TRPV2: variants seen among roughly 807,000 people sequenced by gnomAD.
TRPV2 encodes the protein OTRPC2.
In TRPV2, 58 loss-of-function variants were observed where a neutral mutation model predicts 91.0. That is an observed-to-expected ratio of 0.64 (90% CI 0.52 to 0.79). The LOEUF (loss-of-function observed/expected upper bound fraction) is 0.79. Among genes scored for constraint, TRPV2 ranks in the 30% least tolerant of loss-of-function variants. The probability of loss-of-function intolerance (pLI) is 0.00; values close to 1 mark genes in which losing one functional copy is unlikely to be tolerated. For missense variants in TRPV2, 807 were observed against 969.6 expected, an observed-to-expected ratio of 0.83 and a Z score of 2.23; for synonymous variants, 417 against 414.8, an observed-to-expected ratio of 1.01 and a Z score of -0.06.
intron 3 of TRPV2, among the ~76,000 whole-genome samples, 173 bp downstream of exon 3, chr17:16,420,421 G>C (rs981263859): frequency 2.6e-5 from 4 of 152,176 alleles, no homozygotes; most frequent in African/African-American, 9.7e-5. Context: ...ATGGCCTCCT[G>C]TCAGTCTTGG....
intron 2 of TRPV2, among the ~76,000 whole-genome samples, chr17:16,419,029 C>CAAA (rs746511644): frequency 3.1e-5 from 4 of 130,298 alleles, no homozygotes; most frequent in Non-Finnish European, 5.0e-5. Flanking sequence ...ACTCTGTCTC[C>CAAA]AAAAAAAAAA....
chr17:16,432,643 T>C (rs2093418742), intron 12 of TRPV2, among the ~76,000 whole-genome samples: 2 of 151,988 alleles, frequency 1.3e-5, no homozygotes, highest in Non-Finnish European at 2.9e-5. Context: ...GGTCTCACTA[T>C]GTTGCCCCGG....
chr17:16,422,681 G>C lies in TRPV2; in HGVS notation c.417G>C (p.Leu139=). 1 of 1,613,168 alleles carries C rather than the reference G, an allele frequency of 6.2e-7. No individual in the cohort carries two copies. Among genetic ancestry groups the C allele is most frequent in the Non-Finnish European group, 8.5e-7 (1 of 1,179,508 alleles). ...TCAATGCCTGCATTCTGCCACTGCT[G>C]CAGATCGACAGGGACTCTGGCAATC... ...DGVNACILPL[L]QIDRDSGNPQ... Residue 139 remains leucine (L), a synonymous_variant, in exon 4 of 15, where the codon CTG becomes CTC. Transcript: ENST00000338560.
intron 2 of TRPV2, among the ~76,000 whole-genome samples, chr17:16,418,152 C>G (rs530948438): frequency 1.1e-4 from 16 of 152,332 alleles, no homozygotes; most frequent in African/African-American, 3.4e-4. Flanking sequence ...ACCCTCAAAT[C>G]CCCCTGTTCA....
chr17:16,431,665 T>G, intron 10 of TRPV2, 119 bp from the exon 11 acceptor site: 1 of 848,664 alleles, frequency 1.2e-6, no homozygotes, highest in Non-Finnish European at 2.0e-6. Flanking sequence ...CATATGCATA[T>G]GTATGTGTGC....
chr17:16,425,988 G>C, intron 5 of TRPV2, 111 bp from the exon 6 acceptor site: 1 of 1,222,802 alleles, frequency 8.2e-7, no homozygotes, highest in Non-Finnish European at 1.2e-6. Flanking sequence ...CGTGTCAGCT[G>C]CAGCTCTGCA....
chr17:16,420,178 C>T lies in TRPV2; in HGVS notation c.264C>T (p.Pro88=), dbSNP rs554172388. Residue 88 remains proline, a synonymous_variant, in exon 3 of 15, where the codon CCC becomes CCT. Transcript: ENST00000338560. ...RLFNAVSRGV[P]EDLAGLPEYL... ...TCAATGCGGTCTCCCGGGGTGTCCC[C>T]GAGGATCTGGCTGGACTTCCAGAGT... is the stretch of plus-strand genomic sequence containing the variant. 7.4e-6 allele frequency: 12 copies of T among 1,614,102 alleles called. No individual in the cohort carries two copies. Among genetic ancestry groups the T allele is most frequent in the African/African-American group, 2.7e-5 (2 of 75,050 alleles).
chr17:16,431,130 C>T (rs1047709722), intron 10 of TRPV2, among the ~76,000 whole-genome samples: 1 of 149,918 alleles, frequency 6.7e-6, no homozygotes, highest in African/African-American at 2.5e-5. Context: ...TAGCTCATTG[C>T]CGCCTTGACA....
At position 16,428,917 on chromosome 17, in the gene TRPV2, C is replaced by T; in HGVS notation, c.1522C>T (p.Leu508=). ...LLVSALVLGW[L]NLLYYTRGFQ... ...TGTGTCTGCGCTGGTGCTGGGCTGG[C>T]TGAACCTGCTTTACTATACACGTGG... The change falls in exon 10 of 15, where the codon CTG becomes TTG. Residue 508 remains leucine, a synonymous_variant. Transcript: ENST00000338560. The T allele has an allele frequency of 6.2e-7, 1 of 1,614,206 alleles. No homozygotes were observed. Among genetic ancestry groups the T allele is most frequent in the Non-Finnish European group, 8.5e-7 (1 of 1,180,038 alleles).
chr17:16,436,946 C>G lies in TRPV2; in HGVS notation c.*57C>G. 1 of 1,363,816 alleles carries G rather than the reference C, an allele frequency of 7.3e-7. No homozygotes were observed. The highest frequency in any genetic ancestry group is 1.0e-6 in the Non-Finnish European group (1 of 955,964). 84.5% of individuals were successfully genotyped at this position (1,363,816 alleles called of 1,614,324 possible). On this transcript the variant is annotated 3_prime_UTR_variant, in exon 15 of 15. Coordinates refer to ENST00000338560, the MANE Select transcript of TRPV2 (RefSeq NM_016113.5). The stretch of plus-strand genomic sequence containing the variant: ...GAGCAGAGGATCTTTCCAACCACAT[C>G]TGCTGGCTCTGGGGTCCCAGTGAAT...
At chr17:16,423,345 T>G in intron 4 of TRPV2, 124 bp from the exon 5 acceptor site, 2 of 1,143,700 alleles carry the variant, frequency 1.7e-6, no homozygotes, top group African/African-American at 1.6e-5. Context: ...CCTGTTCTGC[T>G]CCCTTCAGTG....
chr17:16,424,692 T>C (rs2093374787), intron 5 of TRPV2, among the ~76,000 whole-genome samples: 1 of 152,142 alleles, frequency 6.6e-6, no homozygotes, highest in Non-Finnish European at 1.5e-5. Context: ...TCTGCATATT[T>C]ATTGATAACT....
chr17:16,418,052 T>A (rs1184075105), intron 2 of TRPV2, among the ~76,000 whole-genome samples, 184 bp downstream of exon 2: 1 of 152,204 alleles, frequency 6.6e-6, no homozygotes, highest in Non-Finnish European at 1.5e-5. Flanking sequence ...CTGGCATTGC[T>A]CTTTCCAGAG....
intron 7 of TRPV2, 130 bp downstream of exon 7, chr17:16,427,007 A>G: frequency 9.7e-7 from 1 of 1,030,654 alleles, no homozygotes; most frequent in Non-Finnish European, 1.4e-6. Context: ...TATGGGAGCC[A>G]GCACTGCAGT....
Position 16,434,911 on chromosome 17 carries a change from T to C in TRPV2, c.2136T>C (p.Ala712=). The C allele has an allele frequency of 6.2e-7, 1 of 1,612,072 alleles. No individual in the cohort carries two copies. The highest frequency in any genetic ancestry group is 8.5e-7 in the Non-Finnish European group (1 of 1,179,302). Residue 712 remains alanine (A), a synonymous_variant, in exon 14 of 15, where the codon GCT becomes GCC. Coordinates refer to ENST00000338560, the MANE Select transcript of TRPV2 (RefSeq NM_016113.5). The part of the protein sequence containing the change: ...WCFRVEEVNW[A]SWEQTLPTLC... ...TCAGGGTGGAGGAGGTGAACTGGGC[T>C]TCATGGGAGCAGACGCTGCCTACGC...
chr17:16,428,463 G>C, intron 9 of TRPV2, 76 bp downstream of exon 9: 1 of 1,526,892 alleles, frequency 6.5e-7, no homozygotes, highest in African/African-American at 1.4e-5. Context: ...GAAGGCACCA[G>C]GTTGGCTTTA....
At chr17:16,420,366 A>C in intron 3 of TRPV2, 118 bp downstream of exon 3, 1 of 1,281,776 alleles carries the variant, frequency 7.8e-7, no homozygotes, top group South Asian at 1.5e-5. Context: ...CAGCCCTCCC[A>C]CTGGAAGGAT....
intron 8 of TRPV2, 21 bp downstream of exon 8, chr17:16,427,568 C>G (rs2142995315): frequency 6.3e-7 from 1 of 1,599,040 alleles, no homozygotes; most frequent in East Asian, 2.2e-5. Context: ...CTCCCCTTCT[C>G]CTACCAAGAA....
chr17:16,432,061 G>A lies in TRPV2; in HGVS notation c.1750G>A (p.Glu584Lys), dbSNP rs369601353. 6.8e-6 allele frequency: 11 copies of A among 1,613,912 alleles called. No individual in the cohort carries two copies. The highest frequency in any genetic ancestry group is 4.5e-5 in the East Asian group (2 of 44,874). ...GCAGCCCATGGAGGGACAGGAGGAC[G>A]AGGGCAACGGGGCCCAGTACAGGGG... ...SVQPMEGQED[E>K]GNGAQYRGIL... Residue 584 changes from glutamate to lysine, a missense_variant, in exon 12 of 15, where the codon GAG (glutamate) becomes AAG (lysine). By Grantham distance (56) the Glu-to-Lys change is moderately conservative. Transcript: ENST00000338560.
Sources: gnomAD v4.1 joint callset for allele counts (sites outside exome capture counted in the v4.1 genomes callset) on GRCh38, gnomAD v4.1.1 for gene constraint, MANE v1.5 for transcripts, NCBI Gene and HGNC (gene_info 2026-07-23, HGNC 2026-07-21) for gene names.